Variants in VMP1 observed in about 807,000 individuals in gnomAD.
The protein encoded by VMP1 is vacuole membrane protein 1, also known as ectopic P-granules autophagy protein 3 homolog.
A neutral mutation model predicts 56.0 loss-of-function variants in VMP1; 11 were observed. The observed-to-expected ratio is 0.20, with a 90% CI of 0.12 to 0.32. VMP1 has a LOEUF of 0.32. Ranked by LOEUF, VMP1 falls within the 10% of genes least tolerant of loss-of-function variation. The pLI is 1.00. For missense variants in VMP1, 296 were observed against 490.3 expected (o/e 0.60, Z 3.74); for synonymous variants, 149 against 165.0 (o/e 0.90, Z 0.74).
intron 5 of VMP1, among the ~76,000 whole-genome samples, chr17:59,742,199 A>G (rs1033632023): frequency 6.6e-6 from 1 of 152,074 alleles, no homozygotes; most frequent in South Asian, 2.1e-4. Context: ...AACGCCTACA[A>G]AACAAAACAA....
chr17:59,742,278 C>T (rs2035253615), intron 5 of VMP1, among the ~76,000 whole-genome samples: 1 of 152,026 alleles, frequency 6.6e-6, no homozygotes, highest in Admixed American at 6.6e-5. Context: ...GAGGCCAAGG[C>T]AGGAGGATCG....
intron 1 of VMP1, among the ~76,000 whole-genome samples, chr17:59,724,275 G>A (rs938157100): frequency 6.6e-6 from 1 of 151,254 alleles, no homozygotes; most frequent in African/African-American, 2.4e-5. Context: ...AAATAAGAAA[G>A]GAAAAAGGAG....
At chr17:59,718,450 C>A (rs1434874528) in intron 1 of VMP1, among the ~76,000 whole-genome samples, 1 of 151,914 alleles carries the variant, frequency 6.6e-6, no homozygotes, top group Non-Finnish European at 1.5e-5. Flanking sequence ...CCCGCCTCGG[C>A]CTCCCAAAGT....
intron 7 of VMP1, among the ~76,000 whole-genome samples, chr17:59,776,516 C>G (rs1196173862): frequency 6.6e-6 from 1 of 152,050 alleles, no homozygotes; most frequent in Admixed American, 6.6e-5. Context: ...TAATATGACC[C>G]TTGTGTTAAC....
At chr17:59,739,519 TC>T (rs1252685949) in intron 5 of VMP1, among the ~76,000 whole-genome samples, 1 of 151,316 alleles carries the variant, frequency 6.6e-6, no homozygotes, top group African/African-American at 2.4e-5. Context: ...GGTCTGGAGA[TC>T]GAGACCATCC....
intron 1 of VMP1, among the ~76,000 whole-genome samples, chr17:59,728,359 A>C (rs2034689389): frequency 6.6e-6 from 1 of 152,238 alleles, no homozygotes; most frequent in Non-Finnish European, 1.5e-5. Context: ...TTGTTCAGTG[A>C]ATAGGTAAAC....
rs939945697 is a variant in VMP1, at chr17:59,719,487, AT to A, written c.-27+11750del. 2.6e-3 allele frequency among the ~76,000 whole-genome samples: 383 copies of A among 148,676 alleles called. 1 individual carries two copies. The highest frequency in any genetic ancestry group is 8.5e-3 in the African/African-American group (346 of 40,660). ...AAAGTAAAATTCATCTGGATAGATG[AT>A]TTTTTTTTTTAAAGAAAGTATGTTC... On this transcript the variant is annotated intron_variant, in intron 1 of 11. Transcript: ENST00000262291.
chr17:59,825,061 C>G (rs946148299), intron 10 of VMP1, among the ~76,000 whole-genome samples: 4 of 142,798 alleles, frequency 2.8e-5, no homozygotes, highest in African/African-American at 1.0e-4. Context: ...GCTCAAAAGG[C>G]ATTATGTTAG....
chr17:59,714,937 A>C (rs2034094501), intron 1 of VMP1, among the ~76,000 whole-genome samples: 1 of 152,156 alleles, frequency 6.6e-6, no homozygotes, highest in South Asian at 2.1e-4. Context: ...TCACCTTGGC[A>C]TCCCAATGTG....
intron 1 of VMP1, among the ~76,000 whole-genome samples, chr17:59,722,513 A>G (rs945992375): frequency 7.9e-5 from 12 of 152,172 alleles, no homozygotes; most frequent in African/African-American, 2.7e-4. Context: ...TAACATAAAA[A>G]ACGTACAGCA....
Position 59,737,496 on chromosome 17 carries a change from CT to C in VMP1, c.258del (p.Ala87LeufsTer4). On this transcript the variant is annotated frameshift_variant, in exon 4 of 12. Transcript: ENST00000262291. LOFTEE classifies it high-confidence loss of function. ...CATTGTGGTGTCTTTTTTACTGCTG[CT>C]TGCTGTGCTTATAGCTACGTATTAT... ...QSIVVSFLLL[L>X]AVLIATYYVE... is the part of the protein sequence containing the mutation. The C allele has an allele frequency of 6.2e-7, 1 of 1,611,694 alleles. No individual in the cohort carries two copies.
chr17:59,752,343 C>T (rs2035685991), intron 5 of VMP1, among the ~76,000 whole-genome samples: 1 of 152,176 alleles, frequency 6.6e-6, no homozygotes, highest in South Asian at 2.1e-4. Flanking sequence ...CATTGAATGA[C>T]AGTAGTACAC....
chr17:59,830,099 G>A (rs2038761738), intron 10 of VMP1, among the ~76,000 whole-genome samples: 1 of 152,136 alleles, frequency 6.6e-6, no homozygotes, highest in Non-Finnish European at 1.5e-5. Context: ...TCAGTCTCCT[G>A]AAGTTGGGCT....
At chr17:59,720,792 G>A (rs2034360755) in intron 1 of VMP1, among the ~76,000 whole-genome samples, 1 of 151,608 alleles carries the variant, frequency 6.6e-6, no homozygotes, top group Non-Finnish European at 1.5e-5. Context: ...TGACCAACGT[G>A]GTGAAACTCC....
intron 1 of VMP1, among the ~76,000 whole-genome samples, chr17:59,713,795 C>A (rs1013111175): frequency 6.8e-6 from 1 of 147,520 alleles, no homozygotes; most frequent in African/African-American, 2.5e-5. Context: ...GTAATCCCAA[C>A]ACTGAGAGGC....
chr17:59,757,145 TTG>T (rs1321983333), intron 5 of VMP1, among the ~76,000 whole-genome samples: 1 of 152,168 alleles, frequency 6.6e-6, no homozygotes, highest in Non-Finnish European at 1.5e-5. Flanking sequence ...TAATTAGTGT[TTG>T]TGGCACAAGG....
intron 7 of VMP1, among the ~76,000 whole-genome samples, chr17:59,777,420 A>T (rs2036656172): frequency 6.7e-6 from 1 of 149,244 alleles, no homozygotes; most frequent in African/African-American, 2.5e-5. Flanking sequence ...TATCCAGAGG[A>T]CCGATGCCCT....
intron 5 of VMP1, among the ~76,000 whole-genome samples, chr17:59,749,001 G>C (rs1033811382): frequency 6.6e-6 from 1 of 151,112 alleles, no homozygotes; most frequent in Admixed American, 6.6e-5. Context: ...CCAGGCTGGA[G>C]TGCAGTGGTG....
At chr17:59,773,945 G>T in intron 7 of VMP1, 60 bp downstream of exon 7, 1 of 1,396,938 alleles carries the variant, frequency 7.2e-7, no homozygotes, top group Non-Finnish European at 9.4e-7. Flanking sequence ...GGCTATTAAG[G>T]TAAAATTGTT....
Sources: allele counts gnomAD v4.1 joint callset (sites outside exome capture counted in the v4.1 genomes callset), GRCh38; gene constraint gnomAD v4.1.1; transcripts MANE v1.5; gene names NCBI Gene and HGNC (gene_info 2026-07-23, HGNC 2026-07-21).